PLXDC2: variants seen among roughly 807,000 people sequenced by gnomAD.
PLXDC2 encodes the protein plexin domain containing 2.
Under a neutral mutation model 68.9 loss-of-function variants are expected in PLXDC2, and 40 were observed. The ratio of observed to expected loss-of-function variants is 0.58; its 90% CI spans 0.45 to 0.76. PLXDC2 has a LOEUF of 0.76. Among genes scored for constraint, PLXDC2 ranks in the 30% least tolerant of loss-of-function variants. The pLI, the probability that PLXDC2 is intolerant of heterozygous loss-of-function variation, is 0.00. For synonymous variants in PLXDC2, 243 were observed against 234.2 expected (o/e 1.04, Z -0.34); for missense variants, 644 against 661.9 (o/e 0.97, Z 0.30).
chr10:19,994,219 A>G (rs537602520), intron 1 of PLXDC2, among the ~76,000 whole-genome samples: 1 of 148,096 alleles, frequency 6.8e-6, no homozygotes, highest in South Asian at 2.1e-4. Flanking sequence ...ATCTTGGATA[A>G]AGAGAAGCTT....
chr10:20,230,396 A>G (rs1407468787), intron 12 of PLXDC2, among the ~76,000 whole-genome samples: 4 of 152,186 alleles, frequency 2.6e-5, no homozygotes, highest in African/African-American at 7.2e-5. Context: ...GGTGCCAGGC[A>G]TAGTGTCTCA....
chr10:19,852,131 A>G (rs72784121), intron 1 of PLXDC2, among the ~76,000 whole-genome samples: 7,447 of 152,202 alleles, frequency 0.049, 236 homozygotes, highest in Middle Eastern at 0.11. Flanking sequence ...AAGGCTGGGC[A>G]TGGTGGCTCA....
rs1462328729 is a variant in PLXDC2 at position 19,824,128 on chromosome 10, AAG to A, written c.112+6941_112+6942del. 2.0e-5 allele frequency among the ~76,000 whole-genome samples: 3 copies of A among 152,320 alleles called. No individual in the cohort carries two copies. In the East Asian group the frequency reaches 5.8e-4, roughly 29 times the overall value. ...GATATTATGCCATGAGAAAATGAGA[AAG>A]AGAAAGAGACAGAGACAGGGTGAGA... On this transcript the variant is annotated intron_variant, in intron 1 of 13. Transcript: ENST00000377252.
intron 12 of PLXDC2, among the ~76,000 whole-genome samples, chr10:20,234,337 A>C (rs1306648505): frequency 6.6e-6 from 1 of 152,214 alleles, no homozygotes; most frequent in African/African-American, 2.4e-5. Context: ...TCTGTTCCAC[A>C]TTCAAGACAT....
chr10:19,959,717 A>AGT (rs1305465745), intron 1 of PLXDC2, among the ~76,000 whole-genome samples: 5 of 152,206 alleles, frequency 3.3e-5, no homozygotes, highest in African/African-American at 1.2e-4. Context: ...CTCTCCTGGG[A>AGT]GTGCCAGATG....
rs148854792 is a variant in PLXDC2, at chr10:20,024,792, T to A, written c.325-22077T>A. Among the ~76,000 whole-genome samples, 51 of 152,218 alleles carry A rather than the reference T, an allele frequency of 3.4e-4. 1 individual carries two copies. Among genetic ancestry groups the A allele is most frequent in the African/African-American group, 1.2e-3 (49 of 41,536 alleles). On this transcript the variant is annotated intron_variant, in intron 2 of 13. Coordinates refer to ENST00000377252, the MANE Select transcript of PLXDC2 (RefSeq NM_032812.9). ...GGTCTATGAATACCCATCGTTCAGG[T>A]CCTACTTATAAGTGAGAACATGCAG... is the stretch of plus-strand genomic sequence containing the variant.
In PLXDC2 at chr10:19,817,068, GGC is replaced by G; in HGVS notation, c.-10_-9del. 1.3e-5 allele frequency: 7 copies of G among 537,464 alleles called. No homozygotes were observed. Among genetic ancestry groups the G allele is most frequent in the Middle Eastern group, 9.7e-4 (2 of 2,056 alleles). 33.3% of individuals were successfully genotyped at this position (537,464 alleles called of 1,614,324 possible). On this transcript the variant is annotated 5_prime_UTR_variant, in exon 1 of 14. Coordinates refer to ENST00000377252, the MANE Select transcript of PLXDC2 (RefSeq NM_032812.9). ...GGACTGGCGGGTGGGGTAGGGAGGT[GGC>G]GGCGGCGGCATGGCGAGGTTCCCGA...
intron 3 of PLXDC2, among the ~76,000 whole-genome samples, chr10:20,055,991 A>T (rs1236565025): frequency 1.3e-5 from 2 of 152,144 alleles, no homozygotes; most frequent in African/African-American, 4.8e-5. Flanking sequence ...TTTAAAAAAT[A>T]GTAGGGATTC....
rs1278431068 is a variant in PLXDC2 at position 20,089,122 on chromosome 10, G to A, written c.541+20883G>A. Among the ~76,000 whole-genome samples, 3 of 149,978 alleles carry A rather than the reference G, an allele frequency of 2.0e-5. No individual in the cohort carries two copies. In the East Asian group the frequency reaches 5.9e-4, roughly 30 times the overall value. ...GTCAAAATACGGAACATTAACATAA[G>A]TAAAATTTAAAGGTCTGCTGTTAAA... is the stretch of plus-strand genomic sequence containing the variant. On this transcript the variant is annotated intron_variant, in intron 4 of 13. Coordinates refer to ENST00000377252, the MANE Select transcript of PLXDC2 (RefSeq NM_032812.9).
At chr10:20,024,469 C>T (rs752804121) in intron 2 of PLXDC2, among the ~76,000 whole-genome samples, 2 of 152,338 alleles carry the variant, frequency 1.3e-5, no homozygotes, top group Middle Eastern at 3.4e-3. Flanking sequence ...ATTGAACATA[C>T]GAATTCTTCT....
chr10:19,833,112 CA>C (rs1207903685), intron 1 of PLXDC2, among the ~76,000 whole-genome samples: 2 of 151,972 alleles, frequency 1.3e-5, no homozygotes, highest in African/African-American at 4.8e-5. Context: ...GAGGCAGAGA[CA>C]AAAAAGGGCA....
At chr10:20,113,216 CT>C (rs1298288911) in intron 4 of PLXDC2, among the ~76,000 whole-genome samples, 2 of 143,232 alleles carry the variant, frequency 1.4e-5, no homozygotes, top group Non-Finnish European at 3.0e-5. Flanking sequence ...CCAAATGACT[CT>C]TTTTATTGTA....
chr10:20,040,630 G>A (rs11593198), intron 2 of PLXDC2, among the ~76,000 whole-genome samples: 4,664 of 151,592 alleles, frequency 0.031, 93 homozygotes, highest in Non-Finnish European at 0.048. Flanking sequence ...AGAATGACTG[G>A]TAGCTCTCAG....
chr10:20,037,347 C>CTT (rs566594301), intron 2 of PLXDC2, among the ~76,000 whole-genome samples: 66 of 146,208 alleles, frequency 4.5e-4, no homozygotes, highest in African/African-American at 1.6e-3. Flanking sequence ...CTGGCATCTT[C>CTT]TTTTTTTTTT....
At chr10:19,887,171 T>C (rs145682517) in intron 1 of PLXDC2, among the ~76,000 whole-genome samples, 2 of 152,278 alleles carry the variant, frequency 1.3e-5, no homozygotes, top group Non-Finnish European at 2.9e-5. Context: ...TTCTGTACAC[T>C]AGAGTATGGA....
intron 2 of PLXDC2, among the ~76,000 whole-genome samples, chr10:20,005,024 AT>A (rs757194470): frequency 6.6e-6 from 1 of 152,024 alleles, no homozygotes; most frequent in Non-Finnish European, 1.5e-5. Context: ...AATTTCAATG[AT>A]TTTTTTACAC....
Position 20,147,914 on chromosome 10 carries a change from G to A in PLXDC2, c.783+12G>A, listed in dbSNP as rs370416862. ...TTGGATACAAAGAAGTAAGTGATGCGTTGATAATTTCTTTCCCTTCCCCTT... is the reference window on the plus strand; with the variant it reads ...TTGGATACAAAGAAGTAAGTGATGCATTGATAATTTCTTTCCCTTCCCCTT... On this transcript the variant is annotated intron_variant, in intron 6 of 13. Transcript: ENST00000377252. 40 of 1,544,170 alleles carry A rather than the reference G, an allele frequency of 2.6e-5. No homozygotes were observed. The highest frequency in any genetic ancestry group is 6.7e-5 in the East Asian group (3 of 44,542).
intron 1 of PLXDC2, among the ~76,000 whole-genome samples, chr10:19,838,142 T>C (rs2131315432): frequency 6.6e-6 from 1 of 152,230 alleles, no homozygotes; most frequent in African/African-American, 2.4e-5. Flanking sequence ...TTAAGTTTTT[T>C]TGTAAAGACA....
intron 1 of PLXDC2, among the ~76,000 whole-genome samples, chr10:19,944,537 T>C (rs1833870572): frequency 6.6e-6 from 1 of 152,198 alleles, no homozygotes; most frequent in East Asian, 1.9e-4. Flanking sequence ...CACTGGTGAA[T>C]TGGGCAGTCC....
Sources: gnomAD v4.1 joint callset for allele counts (sites outside exome capture counted in the v4.1 genomes callset) on GRCh38, gnomAD v4.1.1 for gene constraint, MANE v1.5 for transcripts, NCBI Gene and HGNC (gene_info 2026-07-23, HGNC 2026-07-21) for gene names.